Variants in UBR2 observed in about 807,000 individuals in gnomAD.
The protein encoded by UBR2 is E3 ubiquitin-protein ligase UBR2.
A neutral mutation model predicts 247.9 loss-of-function variants in UBR2; 92 were observed. That is an observed-to-expected ratio of 0.37 (90% CI 0.31 to 0.44). The LOEUF (loss-of-function observed/expected upper bound fraction) is 0.44, where lower values mean the gene tolerates loss of function less well. UBR2 is among the 20% of genes least tolerant of loss of function. The pLI, the probability that UBR2 is intolerant of heterozygous loss-of-function variation, is 1.00. For missense variants in UBR2, 1,613 were observed against 2,112.6 expected, an observed-to-expected ratio of 0.76 and a Z score of 4.64; for synonymous variants, 672 against 693.5, an observed-to-expected ratio of 0.97 and a Z score of 0.49.
intron 2 of UBR2, among the ~76,000 whole-genome samples, chr6:42,589,925 G>A (rs921515801): frequency 6.6e-6 from 1 of 152,046 alleles, no homozygotes; most frequent in Non-Finnish European, 1.5e-5. Flanking sequence ...TTGAATGTTA[G>A]CAGTTTGACT....
intron 8 of UBR2, among the ~76,000 whole-genome samples, chr6:42,614,387 T>TGTATGTAC (rs1794369410): frequency 1.6e-5 from 2 of 127,794 alleles, no homozygotes; most frequent in South Asian, 2.5e-4. Context: ...TATATATGTA[T>TGTATGTAC]GTACGTACAT....
chr6:42,678,664 T>G lies in UBR2; in HGVS notation c.4604T>G (p.Ile1535Ser). ...AATGGAGTTCCTTCCCCACCCGACATTCAAGGTAATTTATACTTTCTTTCA... is the reference window on the plus strand; with the variant it reads ...AATGGAGTTCCTTCCCCACCCGACAGTCAAGGTAATTTATACTTTCTTTCA... ...YLNGVPSPPDIQVPGTSHFEH... is the reference protein window; with the variant it reads ...YLNGVPSPPDSQVPGTSHFEH... The change falls in exon 41 of 47, where the codon ATT becomes AGT. Residue 1535 changes from isoleucine (I) to serine (S), a missense_variant. Ile to Ser is a moderately radical substitution (Grantham distance 142). Around this residue, in one of 3 missense-constraint regions of UBR2, gnomAD observed 1,524 missense variants for 1,967.3 expected, o/e 0.77. Transcript: ENST00000372901. 6.2e-7 allele frequency: 1 copy of G among 1,610,848 alleles called. No homozygotes were observed. The highest frequency in any genetic ancestry group is 1.1e-5 in the South Asian group (1 of 90,012).
In UBR2 at chr6:42,605,802, A is replaced by G; in HGVS notation, c.744A>G (p.Lys248=). 2 of 1,613,282 alleles carry G rather than the reference A, an allele frequency of 1.2e-6. No individual in the cohort carries two copies. Among genetic ancestry groups the G allele is most frequent in the Non-Finnish European group, 1.7e-6 (2 of 1,179,662 alleles). ...TYEQVIYTLQ[K]AVNCTQKEAI... Reference sequence around the variant, plus strand: ...AACAAGTTATTTATACTCTTCAGAAAGCTGTTAACTGTACACAAAAAGAAG... The same window carrying G: ...AACAAGTTATTTATACTCTTCAGAAGGCTGTTAACTGTACACAAAAAGAAG... The change falls in exon 6 of 47, where the codon AAA becomes AAG. Residue 248 remains lysine, a synonymous_variant. Coordinates refer to ENST00000372901, the MANE Select transcript of UBR2 (RefSeq NM_001363705.2).
chr6:42,595,440 A>G (rs911855261), intron 4 of UBR2, among the ~76,000 whole-genome samples: 4 of 152,176 alleles, frequency 2.6e-5, no homozygotes, highest in Non-Finnish European at 4.4e-5. Flanking sequence ...ATTTGGGGCA[A>G]GTGGACATCA....
At chr6:42,668,523 T>G (rs2151980935) in intron 34 of UBR2, among the ~76,000 whole-genome samples, 1 of 152,228 alleles carries the variant, frequency 6.6e-6, no homozygotes, top group Middle Eastern at 3.4e-3. Context: ...CACTGCAACC[T>G]CTGCATCCCG....
At chr6:42,614,407 T>TATAC (rs1461359837) in intron 8 of UBR2, among the ~76,000 whole-genome samples, 1,153 of 51,572 alleles carry the variant, frequency 0.022, 68 homozygotes, top group African/African-American at 0.066. Flanking sequence ...TACATACGTA[T>TATAC]GTATGTACGT....
intron 17 of UBR2, 110 bp downstream of exon 17, chr6:42,641,802 T>C (rs1796466509): frequency 2.6e-6 from 2 of 768,830 alleles, no homozygotes; most frequent in South Asian, 3.8e-5. Flanking sequence ...ATATTAAAAT[T>C]GTTTGAAAAG....
chr6:42,617,764 A>G (rs977971922), intron 11 of UBR2, among the ~76,000 whole-genome samples: 7 of 152,238 alleles, frequency 4.6e-5, no homozygotes, highest in Admixed American at 6.5e-5. Flanking sequence ...ACAATTTTTC[A>G]TAGTACTTCC....
chr6:42,672,542 T>C (rs547523549), intron 36 of UBR2, among the ~76,000 whole-genome samples: 1 of 152,190 alleles, frequency 6.6e-6, no homozygotes, highest in Admixed American at 6.5e-5. Flanking sequence ...CTTCATACTT[T>C]TACAAACTTC....
chr6:42,640,426 G>GATACATATACAGAGAGAGAGAGACAGAGA (rs1359773394), intron 16 of UBR2, among the ~76,000 whole-genome samples, 156 bp downstream of exon 16: 1 of 84,138 alleles, frequency 1.2e-5, no homozygotes, highest in Non-Finnish European at 2.6e-5. Flanking sequence ...GTGTGTGTGT[G>GATACATATACAGAGAGAGAGAGACAGAGA]TGTGTGTGTA....
intron 38 of UBR2, among the ~76,000 whole-genome samples, chr6:42,674,637 C>G (rs142752946): frequency 6.6e-6 from 1 of 152,160 alleles, no homozygotes; most frequent in Non-Finnish European, 1.5e-5. Context: ...TGGCACATGC[C>G]TGTAATCTCA....
chr6:42,626,816 T>C (rs549819928), intron 11 of UBR2, among the ~76,000 whole-genome samples: 1 of 152,312 alleles, frequency 6.6e-6, no homozygotes, highest in South Asian at 2.1e-4. Context: ...TGGAAGAACG[T>C]TGAACTCAGT....
At position 42,689,764 on chromosome 6, in the gene UBR2, A is replaced by G; in HGVS notation, c.5126+94A>G. ...GGGTGGAGGGCTGAGGTGGTTCTGG[A>G]AGAGGTGGCTGTGTTATCTGTGGAG... On this transcript the variant is annotated intron_variant, in intron 46 of 46. Coordinates refer to ENST00000372901, the MANE Select transcript of UBR2 (RefSeq NM_001363705.2). The surrounding 1 kb of genome is among the most constrained non-coding windows in gnomAD (Gnocchi z 4.0). The G allele has an allele frequency of 8.9e-7, 1 of 1,121,344 alleles. No individual in the cohort carries two copies. The allele number at this position is 1,121,344 out of a possible 1,614,324, so 69.5% of individuals were successfully genotyped here. A position where few individuals can be genotyped will look rare whatever the true frequency, so the allele number is the denominator to read the frequency against.
chr6:42,624,842 G>T (rs1209320048), intron 11 of UBR2, among the ~76,000 whole-genome samples: 6 of 152,166 alleles, frequency 3.9e-5, no homozygotes, highest in Non-Finnish European at 8.8e-5. Flanking sequence ...AGTAATTGTG[G>T]AAGTTACAAA....
chr6:42,692,133 G>C lies in UBR2; in HGVS notation c.*960G>C, dbSNP rs568232506. ...ACCAAGCTTAAGTTTAAAATAATAG[G>C]TATTCTAAAAGAGTATCCTAATTTT... On this transcript the variant is annotated 3_prime_UTR_variant, in exon 47 of 47. Transcript: ENST00000372901. 6.6e-6 allele frequency: 1 copy of C among 151,810 alleles called. No homozygotes were observed. Among genetic ancestry groups the C allele is most frequent in the African/African-American group, 2.4e-5 (1 of 41,374 alleles). The allele number at this position is 151,810 out of a possible 1,614,324, so 9.4% of individuals were successfully genotyped here.
At chr6:42,595,488 A>G (rs62414614) in intron 4 of UBR2, among the ~76,000 whole-genome samples, 32,691 of 152,068 alleles carry the variant, frequency 0.21, 3,572 homozygotes, top group African/African-American at 0.25. Flanking sequence ...GCTCATACCT[A>G]TAATACCAAT....
At chr6:42,602,772 G>T (rs1793472585) in intron 4 of UBR2, among the ~76,000 whole-genome samples, 1 of 151,308 alleles carries the variant, frequency 6.6e-6, no homozygotes, top group Non-Finnish European at 1.5e-5. Flanking sequence ...GTGTGTGTGT[G>T]TGTGTGTGTA....
chr6:42,564,536 T>G, intron 1 of UBR2, 139 bp downstream of exon 1: 1 of 977,828 alleles, frequency 1.0e-6, no homozygotes, highest in Non-Finnish European at 1.5e-6. Flanking sequence ...TGTGGGGTAA[T>G]AGCCCGGGGA....
chr6:42,677,684 T>C (rs533226395), intron 40 of UBR2, among the ~76,000 whole-genome samples: 7 of 152,168 alleles, frequency 4.6e-5, no homozygotes, highest in African/African-American at 1.7e-4. Flanking sequence ...GAGGTTGAGG[T>C]AGTCAGATCA....
Sources: gnomAD v4.1 joint callset for allele counts (sites outside exome capture counted in the v4.1 genomes callset) on GRCh38, gnomAD v4.1.1 for gene constraint, gnomAD v4.1.1 regional missense constraint, Gnocchi (gnomAD v3.1) non-coding constraint, MANE v1.5 for transcripts, NCBI Gene and HGNC (gene_info 2026-07-23, HGNC 2026-07-21) for gene names.